The following FAF1 variants were observed in gnomAD, a reference collection of about 807,000 sequenced individuals.
The protein encoded by FAF1 is Fas associated factor 1.
FAF1 carries 25 observed loss-of-function variants against 92.5 expected under a neutral mutation model. That is an observed-to-expected ratio of 0.27 (90% CI 0.20 to 0.38). The LOEUF (loss-of-function observed/expected upper bound fraction) is 0.38, where lower values mean the gene tolerates loss of function less well. FAF1 is among the 10% of genes least tolerant of loss of function. FAF1 has a pLI of 1.00. For synonymous variants in FAF1, 234 were observed against 273.2 expected, an observed-to-expected ratio of 0.86 and a Z score of 1.42; for missense variants, 636 against 793.3, an observed-to-expected ratio of 0.80 and a Z score of 2.38.
At chr1:50,683,568 T>C (rs1656519098) in intron 7 of FAF1, among the ~76,000 whole-genome samples, 1 of 151,596 alleles carries the variant, frequency 6.6e-6, no homozygotes, top group Non-Finnish European at 1.5e-5. Flanking sequence ...CAATTTTATA[T>C]AAATGTTACT....
intron 2 of FAF1, chr1:50,846,751 A>G (rs919672167): frequency 1.4e-6 from 1 of 702,412 alleles, no homozygotes; most frequent in Non-Finnish European, 2.5e-6. Context: ...ATTGTCAAAC[A>G]CCCTCTGACC....
At chr1:50,568,891 G>A (rs1650295739) in intron 12 of FAF1, among the ~76,000 whole-genome samples, 1 of 152,156 alleles carries the variant, frequency 6.6e-6, no homozygotes, top group South Asian at 2.1e-4. Flanking sequence ...GGGAATAAGG[G>A]CAGGACTCCT....
At chr1:50,596,928 T>G (rs1020154038) in intron 8 of FAF1, among the ~76,000 whole-genome samples, 1 of 152,192 alleles carries the variant, frequency 6.6e-6, no homozygotes, top group African/African-American at 2.4e-5. Context: ...AACCTGTCTT[T>G]AAAAGATACT....
chr1:50,952,108 G>A (rs183063061), intron 1 of FAF1, among the ~76,000 whole-genome samples: 44 of 152,186 alleles, frequency 2.9e-4, no homozygotes, highest in African/African-American at 1.0e-3. Context: ...CCCTTTCTAC[G>A]GTCTCCATCT....
At chr1:50,554,305 A>T (rs1437137716) in intron 13 of FAF1, among the ~76,000 whole-genome samples, 2 of 150,376 alleles carry the variant, frequency 1.3e-5, no homozygotes, top group East Asian at 2.0e-4. Flanking sequence ...GTTTCCTCAC[A>T]TGTGAAATGG....
At chr1:50,804,339 A>G (rs1185713560) in intron 2 of FAF1, among the ~76,000 whole-genome samples, 4 of 152,190 alleles carry the variant, frequency 2.6e-5, no homozygotes, top group African/African-American at 9.6e-5. Context: ...AAATATTTTA[A>G]TTCACTCCCT....
Position 50,676,116 on chromosome 1 carries a change from T to C in FAF1, c.658-20588A>G, listed in dbSNP as rs1656105526. On this transcript the variant is annotated intron_variant, in intron 7 of 18. Transcript: ENST00000396153. ...AATCAATCATATGAACATTTGAAAATGAAACTAGGGCCAGGCACAGTGGCT... is the reference window on the plus strand; with the variant it reads ...AATCAATCATATGAACATTTGAAAACGAAACTAGGGCCAGGCACAGTGGCT... Among the ~76,000 whole-genome samples the C allele has an allele frequency of 2.6e-5, 4 of 152,148 alleles. No individual in the cohort carries two copies. The South Asian group carries it at 8.3e-4, about 32-fold the overall frequency.
At chr1:50,664,464 C>T (rs778662424) in intron 7 of FAF1, among the ~76,000 whole-genome samples, 4 of 151,614 alleles carry the variant, frequency 2.6e-5, no homozygotes, top group Non-Finnish European at 4.4e-5. Flanking sequence ...ATGTCCCTAA[C>T]CACTAGAGAA....
chr1:50,951,814 G>T (rs564357806), intron 1 of FAF1, among the ~76,000 whole-genome samples: 1 of 152,154 alleles, frequency 6.6e-6, no homozygotes, highest in Non-Finnish European at 1.5e-5. Context: ...CATCACAAAA[G>T]ATATCTGTTT....
At chr1:50,639,568 A>G (rs146327938) in intron 8 of FAF1, among the ~76,000 whole-genome samples, 1 of 152,326 alleles carries the variant, frequency 6.6e-6, no homozygotes, top group Non-Finnish European at 1.5e-5. Context: ...ATAAATCCCA[A>G]TGATGATGCA....
At chr1:50,799,926 T>A (rs554661460) in intron 3 of FAF1, among the ~76,000 whole-genome samples, 1 of 152,216 alleles carries the variant, frequency 6.6e-6, no homozygotes, top group East Asian at 1.9e-4. Flanking sequence ...ACAAGAGGAA[T>A]TTTCAGTTAT....
At chr1:50,798,889 G>T (rs1219395445) in intron 3 of FAF1, among the ~76,000 whole-genome samples, 7 of 151,926 alleles carry the variant, frequency 4.6e-5, no homozygotes, top group African/African-American at 1.7e-4. Flanking sequence ...TTCTGTTCGT[G>T]TTTTTTTTAA....
chr1:50,870,487 T>C (rs1644518786), intron 1 of FAF1, among the ~76,000 whole-genome samples: 1 of 152,122 alleles, frequency 6.6e-6, no homozygotes, highest in Non-Finnish European at 1.5e-5. Flanking sequence ...AAATTAGAGG[T>C]TTATGGCATC....
At chr1:50,584,298 C>T (rs930629922) in intron 10 of FAF1, among the ~76,000 whole-genome samples, 13 of 151,970 alleles carry the variant, frequency 8.6e-5, no homozygotes, top group Non-Finnish European at 1.3e-4. Flanking sequence ...AGATGGGTAC[C>T]GTTGAATAGA....
intron 13 of FAF1, among the ~76,000 whole-genome samples, chr1:50,541,834 T>C (rs1648772576): frequency 6.6e-6 from 1 of 152,140 alleles, no homozygotes; most frequent in African/African-American, 2.4e-5. Flanking sequence ...CATCTCAACA[T>C]AATTTTGCCT....
intron 1 of FAF1, among the ~76,000 whole-genome samples, chr1:50,942,845 C>A (rs1011901492): frequency 6.6e-6 from 1 of 151,680 alleles, no homozygotes; most frequent in Non-Finnish European, 1.5e-5. Context: ...TCATGGATTG[C>A]GTTACGGGAG....
chr1:50,556,903 TTTTC>T (rs1649613912), intron 13 of FAF1, among the ~76,000 whole-genome samples: 1 of 151,596 alleles, frequency 6.6e-6, no homozygotes, highest in African/African-American at 2.4e-5. Flanking sequence ...AGAAAATCAG[TTTTC>T]TTTAAGAACA....
chr1:50,657,206 T>C (rs886533987), intron 7 of FAF1, among the ~76,000 whole-genome samples: 4 of 151,228 alleles, frequency 2.6e-5, no homozygotes, highest in African/African-American at 9.7e-5. Flanking sequence ...AGTGAGACCC[T>C]GTCTCAAAAA....
chr1:50,672,258 G>A (rs1655927579), intron 7 of FAF1, among the ~76,000 whole-genome samples: 1 of 151,966 alleles, frequency 6.6e-6, no homozygotes, highest in Admixed American at 6.6e-5. Flanking sequence ...GGCCAGGCTG[G>A]TCTTGAACTC....
Sources: allele counts gnomAD v4.1 joint callset (sites outside exome capture counted in the v4.1 genomes callset), GRCh38; gene constraint gnomAD v4.1.1; transcripts MANE v1.5; gene names NCBI Gene and HGNC (gene_info 2026-07-23, HGNC 2026-07-21).